Variants in ADAMTSL3 observed in about 807,000 individuals in gnomAD.
ADAMTSL3 encodes ADAMTS like 3.
Under a neutral mutation model 201.7 loss-of-function variants are expected in ADAMTSL3, and 128 were observed. That is an observed-to-expected ratio of 0.63 (90% CI 0.55 to 0.73). The LOEUF is 0.73. ADAMTSL3 is among the 30% of genes least tolerant of loss of function. ADAMTSL3 has a pLI of 0.00. For missense variants in ADAMTSL3, 1,990 were observed against 2,119.6 expected (o/e 0.94, Z 1.20); for synonymous variants, 738 against 748.4 (o/e 0.99, Z 0.23).
intron 7 of ADAMTSL3, among the ~76,000 whole-genome samples, chr15:83,852,812 A>G (rs745784413): frequency 7.0e-4 from 107 of 152,156 alleles, no homozygotes; most frequent in African/African-American, 5.5e-4. Flanking sequence ...GCATTTTTTT[A>G]TATCTTGAGA....
chr15:83,831,016 A>C (rs1012179967), intron 6 of ADAMTSL3, among the ~76,000 whole-genome samples: 1 of 152,244 alleles, frequency 6.6e-6, no homozygotes, highest in Non-Finnish European at 1.5e-5. Context: ...CTAATGAAGT[A>C]AAGTTTGGGC....
chr15:83,822,444 G>A lies in ADAMTSL3; in HGVS notation c.600+2397G>A, dbSNP rs542202231. ...GGTCTCCTCACTTCTCAGACGGGGCGGTTGCCAGGCGGAGGGTCTCCTCAC... is the reference window on the plus strand; with the variant it reads ...GGTCTCCTCACTTCTCAGACGGGGCAGTTGCCAGGCGGAGGGTCTCCTCAC... On this transcript the variant is annotated intron_variant, in intron 6 of 29. Coordinates refer to ENST00000286744, the MANE Select transcript of ADAMTSL3 (RefSeq NM_207517.3). Among the ~76,000 whole-genome samples the A allele has an allele frequency of 1.7e-3, 254 of 145,270 alleles. 2 individuals are homozygous for A. Among genetic ancestry groups the A allele is most frequent in the Non-Finnish European group, 2.7e-3 (181 of 66,462 alleles).
At chr15:83,682,275 A>G (rs978781922) in intron 2 of ADAMTSL3, among the ~76,000 whole-genome samples, 2 of 152,138 alleles carry the variant, frequency 1.3e-5, no homozygotes, top group Admixed American at 6.5e-5. Flanking sequence ...GACCTGCCCA[A>G]GGTTCACAGG....
Position 83,858,776 on chromosome 15 carries a change from T to C in ADAMTSL3, c.738T>C (p.Asn246=). Residue 246 remains asparagine (N), a synonymous_variant, in exon 8 of 30, where the codon AAT becomes AAC. Coordinates refer to ENST00000286744, the MANE Select transcript of ADAMTSL3 (RefSeq NM_207517.3). The part of the protein sequence containing the change: ...SHVSPEKREE[N]VIAVPLGSRS... ...TCTGTTCTTTCCCAGGAGAAGAAAA[T>C]GTAATTGCTGTTCCTTTGGGAAGTC... The C allele has an allele frequency of 6.2e-7, 1 of 1,613,666 alleles. No individual in the cohort carries two copies. The highest frequency in any genetic ancestry group is 8.5e-7 in the Non-Finnish European group (1 of 1,179,768).
At chr15:83,821,992 C>CA in intron 6 of ADAMTSL3, among the ~76,000 whole-genome samples, 1 of 141,574 alleles carries the variant, frequency 7.1e-6, no homozygotes, top group Non-Finnish European at 1.5e-5. Flanking sequence ...GCTGGCCGGG[C>CA]GGGTTGCTGA....
intron 3 of ADAMTSL3, among the ~76,000 whole-genome samples, chr15:83,715,049 G>A (rs1218385372): frequency 6.6e-6 from 1 of 151,950 alleles, no homozygotes; most frequent in Non-Finnish European, 1.5e-5. Context: ...GGGAAGAGAA[G>A]GTGGGTGTGG....
At chr15:83,963,251 C>T (rs1054142455) in intron 19 of ADAMTSL3, among the ~76,000 whole-genome samples, 2 of 152,218 alleles carry the variant, frequency 1.3e-5, no homozygotes, top group African/African-American at 4.8e-5. Context: ...AAGCTAAGAT[C>T]TACTGGCTTG....
At chr15:83,855,776 C>T (rs1264825314) in intron 7 of ADAMTSL3, among the ~76,000 whole-genome samples, 3 of 152,146 alleles carry the variant, frequency 2.0e-5, no homozygotes, top group Non-Finnish European at 4.4e-5. Flanking sequence ...CATGTTTTTA[C>T]TGATTTTATG....
chr15:83,807,298 T>TA (rs2063616066), intron 5 of ADAMTSL3, among the ~76,000 whole-genome samples: 1 of 151,738 alleles, frequency 6.6e-6, no homozygotes, highest in Non-Finnish European at 1.5e-5. Context: ...CTACTAAAAA[T>TA]ACAAAAAATT....
chr15:83,939,400 C>T (rs1042749506), intron 17 of ADAMTSL3, among the ~76,000 whole-genome samples: 2 of 151,934 alleles, frequency 1.3e-5, no homozygotes, highest in Admixed American at 1.3e-4. Flanking sequence ...ATTCCGATTT[C>T]TCTTCACTTG....
At chr15:83,812,880 A>T (rs2063718959) in intron 5 of ADAMTSL3, among the ~76,000 whole-genome samples, 1 of 152,224 alleles carries the variant, frequency 6.6e-6, no homozygotes, top group Non-Finnish European at 1.5e-5. Context: ...CCTGAGAAGT[A>T]CGTGCTATTT....
At chr15:83,964,671 A>G (rs570883616) in intron 19 of ADAMTSL3, among the ~76,000 whole-genome samples, 2 of 152,296 alleles carry the variant, frequency 1.3e-5, no homozygotes, top group Admixed American at 1.3e-4. Context: ...AAATACAGAG[A>G]ATACCACAAA....
At chr15:83,715,166 A>G (rs747490561) in intron 3 of ADAMTSL3, among the ~76,000 whole-genome samples, 12 of 152,152 alleles carry the variant, frequency 7.9e-5, no homozygotes, top group Non-Finnish European at 1.5e-4. Flanking sequence ...TCAAGAAAAC[A>G]CAATGCAGGA....
In ADAMTSL3 at chr15:83,714,761, CTCTTTCTT is replaced by C. The variant is rs767607321; in HGVS notation, c.189+10271_189+10278del. On this transcript the variant is annotated intron_variant, in intron 3 of 29. Coordinates refer to ENST00000286744, the MANE Select transcript of ADAMTSL3 (RefSeq NM_207517.3). ...TTCTCCTTTTCCTTCCTTCCCTTTT[CTCTTTCTT>C]TCTTTCTTTCTTTCTTTTTCTTTCT... Among the ~76,000 whole-genome samples the C allele has an allele frequency of 7.5e-4, 31 of 41,454 alleles. 5 individuals are homozygous for C. The highest frequency in any genetic ancestry group is 1.2e-3 in the Non-Finnish European group (22 of 19,018). 27.2% of individuals were successfully genotyped at this position (41,454 alleles called of 152,430 possible). A position where few individuals can be genotyped will look rare whatever the true frequency, so the allele number is the denominator to read the frequency against.
intron 3 of ADAMTSL3, among the ~76,000 whole-genome samples, chr15:83,724,919 G>T (rs1235392920): frequency 1.3e-5 from 2 of 151,852 alleles, no homozygotes; most frequent in African/African-American, 4.8e-5. Context: ...ACTCCATTGT[G>T]TATATGCATC....
chr15:83,950,831 A>G (rs2142061192), intron 19 of ADAMTSL3, among the ~76,000 whole-genome samples: 1 of 149,094 alleles, frequency 6.7e-6, no homozygotes, highest in East Asian at 2.0e-4. Flanking sequence ...AATGCTACTG[A>G]TATTTGTATG....
intron 2 of ADAMTSL3, among the ~76,000 whole-genome samples, chr15:83,691,828 G>T (rs543564890): frequency 6.6e-6 from 1 of 152,192 alleles, no homozygotes; most frequent in East Asian, 1.9e-4. Context: ...TGGTCATGCT[G>T]GTCTCGAACT....
At chr15:84,022,584 C>T (rs1223021110) in intron 26 of ADAMTSL3, among the ~76,000 whole-genome samples, 1 of 152,212 alleles carries the variant, frequency 6.6e-6, no homozygotes, top group East Asian at 1.9e-4. Context: ...GCAATTTACA[C>T]ATTTATCTTA....
At chr15:83,975,538 T>C (rs2067272900) in intron 20 of ADAMTSL3, among the ~76,000 whole-genome samples, 1 of 152,194 alleles carries the variant, frequency 6.6e-6, no homozygotes, top group African/African-American at 2.4e-5. Context: ...TACGTGTTAC[T>C]TTTTCTTTTA....
Sources: gnomAD v4.1 joint callset for allele counts (sites outside exome capture counted in the v4.1 genomes callset) on GRCh38, gnomAD v4.1.1 for gene constraint, MANE v1.5 for transcripts, NCBI Gene and HGNC (gene_info 2026-07-23, HGNC 2026-07-21) for gene names.